The following ITGA9 variants were observed in gnomAD, a reference collection of about 807,000 sequenced individuals.
The protein encoded by ITGA9 is integrin alpha-9.
Under a neutral mutation model 127.8 loss-of-function variants are expected in ITGA9, and 56 were observed. The ratio of observed to expected loss-of-function variants is 0.44; its 90% CI spans 0.35 to 0.55. The LOEUF is 0.55. Ranked by LOEUF, ITGA9 falls within the 20% of genes least tolerant of loss-of-function variation. The probability of loss-of-function intolerance (pLI) is 0.00; values close to 1 mark genes in which losing one functional copy is unlikely to be tolerated. For missense variants in ITGA9, 1,196 were observed against 1,347.1 expected (o/e 0.89, Z 1.76); for synonymous variants, 508 against 514.5 (o/e 0.99, Z 0.17).
chr3:37,553,204 A>T (rs898253959), intron 15 of ITGA9, among the ~76,000 whole-genome samples: 2 of 152,148 alleles, frequency 1.3e-5, no homozygotes, highest in Non-Finnish European at 1.5e-5. Flanking sequence ...CCTTATCCCT[A>T]ACATCAGGGA....
chr3:37,460,878 C>T (rs886222142), intron 1 of ITGA9, among the ~76,000 whole-genome samples: 1 of 152,046 alleles, frequency 6.6e-6, no homozygotes, highest in Non-Finnish European at 1.5e-5. Flanking sequence ...CGTGAGCCAC[C>T]GCACCCGGAC....
At chr3:37,539,008 C>T (rs1310242199) in intron 14 of ITGA9, among the ~76,000 whole-genome samples, 2 of 152,218 alleles carry the variant, frequency 1.3e-5, no homozygotes, top group Non-Finnish European at 2.9e-5. Flanking sequence ...GGCATGCACA[C>T]ACCCCGCTGG....
intron 13 of ITGA9, among the ~76,000 whole-genome samples, chr3:37,529,499 C>A (rs1314885946): frequency 6.6e-6 from 1 of 152,196 alleles, no homozygotes; most frequent in East Asian, 1.9e-4. Context: ...AGGACAGTGA[C>A]TCTTGACTGC....
At chr3:37,504,145 G>A (rs1454056562) in intron 6 of ITGA9, among the ~76,000 whole-genome samples, 1 of 152,088 alleles carries the variant, frequency 6.6e-6, no homozygotes, top group Non-Finnish European at 1.5e-5. Context: ...CTAACTACAA[G>A]TTTTTTGCCT....
intron 15 of ITGA9, among the ~76,000 whole-genome samples, chr3:37,619,054 C>T (rs1021931387): frequency 6.6e-6 from 1 of 152,196 alleles, no homozygotes; most frequent in African/African-American, 2.4e-5. Flanking sequence ...CTGTGTCACT[C>T]ATGCTGGGAG....
chr3:37,467,441 G>A (rs1357194691), intron 1 of ITGA9, among the ~76,000 whole-genome samples: 19 of 152,118 alleles, frequency 1.2e-4, no homozygotes, highest in Admixed American at 1.2e-3. Flanking sequence ...TTGGCTCTAG[G>A]CTGGAGGAAG....
chr3:37,679,694 C>T (rs1441159800), intron 17 of ITGA9, among the ~76,000 whole-genome samples: 1 of 152,192 alleles, frequency 6.6e-6, no homozygotes, highest in Non-Finnish European at 1.5e-5. Context: ...TGAAAACAAT[C>T]AGGCACGGGG....
At chr3:37,595,106 T>C (rs1699856769) in intron 15 of ITGA9, among the ~76,000 whole-genome samples, 1 of 152,000 alleles carries the variant, frequency 6.6e-6, no homozygotes, top group Admixed American at 6.6e-5. Context: ...TTTTTGTTTT[T>C]GTTTTTTTTT....
chr3:37,800,396 G>A (rs746686912), intron 26 of ITGA9, among the ~76,000 whole-genome samples: 9 of 152,226 alleles, frequency 5.9e-5, no homozygotes, highest in Non-Finnish European at 1.2e-4. Context: ...CAGAGGAAGA[G>A]AAAGTTGGTT....
chr3:37,774,706 G>C lies in ITGA9; in HGVS notation c.2542-2686G>C, dbSNP rs367952879. Among the ~76,000 whole-genome samples, 263 of 151,434 alleles carry C rather than the reference G, an allele frequency of 1.7e-3. 3 individuals are homozygous for C. Among genetic ancestry groups the C allele is most frequent in the African/African-American group, 6.2e-3 (255 of 41,262 alleles). The stretch of plus-strand genomic sequence containing the variant: ...ACTGTACTTCAGCCTGGGAGACAGA[G>C]ACCCTGTCTCCAAAAAAAAAACAAA... On this transcript the variant is annotated intron_variant, in intron 23 of 27. Coordinates refer to ENST00000264741, the MANE Select transcript of ITGA9 (RefSeq NM_002207.3).
intron 15 of ITGA9, among the ~76,000 whole-genome samples, chr3:37,583,839 T>G (rs1382496665): frequency 6.6e-6 from 1 of 152,212 alleles, no homozygotes; most frequent in Non-Finnish European, 1.5e-5. Context: ...AGAGGTTATA[T>G]AATCACTGAG....
At chr3:37,692,412 A>AGTGTGTGTGTGT (rs59928496) in intron 18 of ITGA9, among the ~76,000 whole-genome samples, 282 of 146,068 alleles carry the variant, frequency 1.9e-3, no homozygotes, top group African/African-American at 6.6e-3. Context: ...AGAGAGAGAG[A>AGTGTGTGTGTGT]GTGTGTGTGT....
chr3:37,691,305 A>G (rs1419747469), intron 18 of ITGA9, among the ~76,000 whole-genome samples: 3 of 152,142 alleles, frequency 2.0e-5, no homozygotes, highest in African/African-American at 7.2e-5. Context: ...AGCCTCGCTG[A>G]GGTTCTTATA....
At chr3:37,481,745 G>C in intron 4 of ITGA9, 138 bp downstream of exon 4, 1 of 1,227,018 alleles carries the variant, frequency 8.1e-7, no homozygotes, top group Non-Finnish European at 1.2e-6. Context: ...TTTGCTCCCA[G>C]ATGGTCTCTT....
chr3:37,658,353 A>G (rs1018853005), intron 17 of ITGA9, among the ~76,000 whole-genome samples: 14 of 152,326 alleles, frequency 9.2e-5, no homozygotes, highest in Non-Finnish European at 1.6e-4. Flanking sequence ...AACTTGCTTT[A>G]TGAATCTGTG....
chr3:37,516,677 A>C (rs1307028082), intron 9 of ITGA9, among the ~76,000 whole-genome samples: 1 of 152,220 alleles, frequency 6.6e-6, no homozygotes, highest in African/African-American at 2.4e-5. Flanking sequence ...AGACTTGGTC[A>C]TGATAAAAGC....
In ITGA9 at chr3:37,629,222, T is replaced by C. The variant is rs774947235; in HGVS notation, c.1725T>C (p.Phe575=). ...RVQDVISPIV[F]EAAYSLSEHV... Reference sequence around the variant, plus strand: ...AGGACGTCATCAGCCCGATCGTGTTTGAAGCAGCCTACAGCCTCAGTGAGC... The same window carrying C: ...AGGACGTCATCAGCCCGATCGTGTTCGAAGCAGCCTACAGCCTCAGTGAGC... Residue 575 remains phenylalanine, a synonymous_variant, in exon 16 of 28, where the codon TTT becomes TTC. Coordinates refer to ENST00000264741, the MANE Select transcript of ITGA9 (RefSeq NM_002207.3). The surrounding 1 kb of genome is among the most constrained non-coding windows in gnomAD (Gnocchi z 4.5). The C allele has an allele frequency of 6.2e-7, 1 of 1,613,538 alleles. No individual in the cohort carries two copies. Among genetic ancestry groups the C allele is most frequent in the African/African-American group, 1.3e-5 (1 of 74,996 alleles).
At chr3:37,559,919 A>G (rs1020491225) in intron 15 of ITGA9, among the ~76,000 whole-genome samples, 1 of 152,214 alleles carries the variant, frequency 6.6e-6, no homozygotes. Flanking sequence ...TCTGATAGAA[A>G]TATAATGTGG....
chr3:37,580,372 A>G (rs1413780024), intron 15 of ITGA9, among the ~76,000 whole-genome samples: 2 of 152,244 alleles, frequency 1.3e-5, no homozygotes, highest in Non-Finnish European at 2.9e-5. Context: ...GAAGGGAAGG[A>G]AACTCTGACA....
Sources: allele counts gnomAD v4.1 joint callset (sites outside exome capture counted in the v4.1 genomes callset), GRCh38; gene constraint gnomAD v4.1.1; non-coding constraint Gnocchi (gnomAD v3.1); transcripts MANE v1.5; gene names NCBI Gene and HGNC (gene_info 2026-07-23, HGNC 2026-07-21).